Variants in HDAC4 observed in about 807,000 individuals in gnomAD.
HDAC4 encodes histone deacetylase 4.
HDAC4 carries 16 observed loss-of-function variants against 135.1 expected under a neutral mutation model. The observed-to-expected ratio is 0.12, with a 90% confidence interval of 0.08 to 0.18. The LOEUF is 0.18. Ranked by LOEUF, HDAC4 falls within the 10% of genes least tolerant of loss-of-function variation. The pLI is 1.00. For synonymous variants in HDAC4, 685 were observed against 653.4 expected, an observed-to-expected ratio of 1.05 and a Z score of -0.74; for missense variants, 1,143 against 1,511.8, an observed-to-expected ratio of 0.76 and a Z score of 4.05.
At chr2:239,376,596 C>T (rs1358870114) in intron 1 of HDAC4, among the ~76,000 whole-genome samples, 19 of 152,240 alleles carry the variant, frequency 1.2e-4, no homozygotes, top group East Asian at 5.8e-4. Context: ...CACCACCTGC[C>T]GGGAGCACAA....
chr2:239,294,576 CAACAGTAGTGGGA>C (rs2051737231), intron 2 of HDAC4, among the ~76,000 whole-genome samples: 1 of 152,092 alleles, frequency 6.6e-6, no homozygotes, highest in Non-Finnish European at 1.5e-5. Context: ...TGGGAAGGGA[CAACAGTAGTGGGA>C]ACAGCTGGGG....
At position 239,168,973 on chromosome 2, in the gene HDAC4, G is replaced by A. The variant is rs74483421; in HGVS notation, c.491-5050C>T. Among the ~76,000 whole-genome samples, 141 of 152,338 alleles carry A rather than the reference G, an allele frequency of 9.3e-4. 1 individual carries two copies. The East Asian group carries it at 0.016, about 17-fold the overall frequency. On this transcript the variant is annotated intron_variant, in intron 5 of 26. Transcript: ENST00000543185. ...CCAGTTAAGGGTGGACGGCGCTTCG[G>A]ATGCAGCGCAGGGATTGTTTTGGGC...
chr2:239,079,878 G>T (rs1449431921), intron 22 of HDAC4, among the ~76,000 whole-genome samples: 2 of 152,192 alleles, frequency 1.3e-5, no homozygotes, highest in Non-Finnish European at 2.9e-5. Context: ...ACAAGCACAT[G>T]GGTGTGTCCT....
chr2:239,383,186 C>T (rs1461289879), intron 1 of HDAC4, among the ~76,000 whole-genome samples: 3 of 152,200 alleles, frequency 2.0e-5, no homozygotes, highest in African/African-American at 7.2e-5. Flanking sequence ...GGAAGATGTG[C>T]TTGTTTCCCG....
chr2:239,063,493 T>C (rs971488186), intron 24 of HDAC4, among the ~76,000 whole-genome samples: 7 of 152,172 alleles, frequency 4.6e-5, no homozygotes, highest in Non-Finnish European at 7.4e-5. Flanking sequence ...CGTGAGCCAC[T>C]GCGCCCGGCC....
At chr2:239,100,688 C>T (rs2037533017) in intron 16 of HDAC4, among the ~76,000 whole-genome samples, 2 of 152,200 alleles carry the variant, frequency 1.3e-5, no homozygotes, top group African/African-American at 4.8e-5. Context: ...TAAGGGATCT[C>T]AGGGGCTATT....
At chr2:239,397,455 T>C (rs1336240958) in intron 1 of HDAC4, among the ~76,000 whole-genome samples, 2 of 151,976 alleles carry the variant, frequency 1.3e-5, no homozygotes, top group Non-Finnish European at 1.5e-5. Context: ...CCCCCGACAG[T>C]GATACAGGAA....
intron 2 of HDAC4, among the ~76,000 whole-genome samples, chr2:239,317,735 C>T (rs2053166319): frequency 6.6e-6 from 1 of 152,166 alleles, no homozygotes; most frequent in African/African-American, 2.4e-5. Context: ...GTCCACATTT[C>T]ACGTTGTCCA....
Position 239,349,447 on chromosome 2 carries a change from T to G in HDAC4, c.22+3231A>C, listed in dbSNP as rs1203658133. ...CCACTAAAATGATGAAAAGCAGGATTGGAAAGCACTTCCAGCAATGCCTGG... is the reference window on the plus strand; with the variant it reads ...CCACTAAAATGATGAAAAGCAGGATGGGAAAGCACTTCCAGCAATGCCTGG... On this transcript the variant is annotated intron_variant, in intron 2 of 26. Transcript: ENST00000543185. This position sits in a 1 kb window ranked among gnomAD's most constrained non-coding sequence, Gnocchi z 5.7. 3.9e-5 allele frequency among the ~76,000 whole-genome samples: 6 copies of G among 152,208 alleles called. No individual in the cohort carries two copies. Among genetic ancestry groups the G allele is most frequent in the Non-Finnish European group, 7.3e-5 (5 of 68,042 alleles).
Position 239,090,022 on chromosome 2 carries a change from G to A in HDAC4, c.2375C>T (p.Thr792Ile), listed in dbSNP as rs376225243. ...CVVELVFKVA[T>I]GELKNGFAVV... ...GCCCCGACTGACCTTCAGCTCCCCT[G>A]TGGCCACCTTGAAGACCAGCTCTAC... The change falls in exon 18 of 27, where the codon ACA becomes ATA. Residue 792 changes from threonine (T) to isoleucine (I), a missense_variant. Physicochemically the swap from Thr to Ile is moderately conservative, Grantham distance 89 (BLOSUM62 -1). Around this residue, in one of 9 missense-constraint regions of HDAC4, gnomAD observed 189 missense variants for 317.6 expected, o/e 0.60. Transcript: ENST00000543185. 2.9e-5 allele frequency: 46 copies of A among 1,613,262 alleles called. No individual in the cohort carries two copies. Among genetic ancestry groups the A allele is most frequent in the Non-Finnish European group, 3.4e-5 (40 of 1,179,536 alleles).
At chr2:239,081,304 G>A in intron 21 of HDAC4, 112 bp from the exon 22 acceptor site, 1 of 868,226 alleles carries the variant, frequency 1.2e-6, no homozygotes, top group Non-Finnish European at 1.9e-6. Flanking sequence ...GGGCCCCTGG[G>A]GAGAGCCCAC....
At chr2:239,127,174 T>C (rs1183845058) in intron 11 of HDAC4, among the ~76,000 whole-genome samples, 1 of 152,212 alleles carries the variant, frequency 6.6e-6, no homozygotes, top group African/African-American at 2.4e-5. Flanking sequence ...ACAATTGTCC[T>C]TAGGGTTGAC....
chr2:239,124,736 T>C (rs75351850), intron 12 of HDAC4, among the ~76,000 whole-genome samples: 581 of 16,502 alleles, frequency 0.035, 14 homozygotes, highest in African/African-American at 0.062. Context: ...GGCGTGTGGC[T>C]GCGTTATATG....
intron 2 of HDAC4, among the ~76,000 whole-genome samples, chr2:239,283,159 A>C (rs1369423113): frequency 6.6e-6 from 1 of 152,248 alleles, no homozygotes; most frequent in African/African-American, 2.4e-5. Context: ...CTTGACAGTC[A>C]GTGGAAGAAT....
At chr2:239,392,133 G>A (rs1036173832) in intron 1 of HDAC4, among the ~76,000 whole-genome samples, 4 of 152,184 alleles carry the variant, frequency 2.6e-5, no homozygotes, top group Admixed American at 2.0e-4. Context: ...TGCTACCCTC[G>A]GATGGCAGCG....
At chr2:239,122,898 C>T (rs1270466550) in intron 12 of HDAC4, among the ~76,000 whole-genome samples, 3 of 152,208 alleles carry the variant, frequency 2.0e-5, no homozygotes, top group Non-Finnish European at 4.4e-5. Context: ...TTCACAGCTG[C>T]CAGAGCTGGG....
chr2:239,149,162 G>T (rs1233112215), intron 7 of HDAC4, among the ~76,000 whole-genome samples: 1 of 152,110 alleles, frequency 6.6e-6, no homozygotes, highest in African/African-American at 2.4e-5. Context: ...AGCACTTTGG[G>T]AGGCTGAGGC....
At chr2:239,377,088 GC>G (rs758425499) in intron 1 of HDAC4, among the ~76,000 whole-genome samples, 17 of 152,130 alleles carry the variant, frequency 1.1e-4, no homozygotes, top group Admixed American at 2.6e-4. Context: ...AGCCTGCGGG[GC>G]CTCTGCCTTC....
At chr2:239,100,778 G>A (rs575930613) in intron 16 of HDAC4, among the ~76,000 whole-genome samples, 1 of 152,120 alleles carries the variant, frequency 6.6e-6, no homozygotes. Context: ...GACGGTAAAG[G>A]TCAGCATGCT....
Sources: allele counts gnomAD v4.1 joint callset (sites outside exome capture counted in the v4.1 genomes callset), GRCh38; gene constraint gnomAD v4.1.1; regional missense constraint gnomAD v4.1.1; non-coding constraint Gnocchi (gnomAD v3.1); transcripts MANE v1.5; gene names NCBI Gene and HGNC (gene_info 2026-07-23, HGNC 2026-07-21).